The following ACO1 variants were observed in gnomAD, a reference collection of about 807,000 sequenced individuals.
The protein encoded by ACO1 is aconitase 1.
Under a neutral mutation model 105.1 loss-of-function variants are expected in ACO1, and 78 were observed. The ratio of observed to expected loss-of-function variants is 0.74; its 90% confidence interval spans 0.62 to 0.90. ACO1 has a LOEUF of 0.90. Among genes scored for constraint, ACO1 ranks in the 40% least tolerant of loss-of-function variants. The pLI is 0.00. For synonymous variants in ACO1, 364 were observed against 397.4 expected (o/e 0.92, Z 1.00); for missense variants, 965 against 1,111.1 (o/e 0.87, Z 1.87).
chr9:32,440,348 T>G, intron 18 of ACO1, 117 bp from the exon 19 acceptor site: 1 of 1,023,614 alleles, frequency 9.8e-7, no homozygotes, highest in Non-Finnish European at 1.4e-6. Flanking sequence ...GACAAGATGA[T>G]TGGACGGATT....
intron 17 of ACO1, 49 bp downstream of exon 17, chr9:32,434,750 G>C: frequency 6.2e-7 from 1 of 1,601,600 alleles, no homozygotes; most frequent in Non-Finnish European, 8.5e-7. Flanking sequence ...TGGAGGAATG[G>C]AGTTAATGAG....
At chr9:32,410,482 C>T (rs567913989) in intron 4 of ACO1, among the ~76,000 whole-genome samples, 2 of 152,114 alleles carry the variant, frequency 1.3e-5, no homozygotes, top group African/African-American at 4.8e-5. Flanking sequence ...ATGGCGTGAA[C>T]TGGGGAGGCA....
At chr9:32,441,915 C>A (rs1822488734) in intron 19 of ACO1, among the ~76,000 whole-genome samples, 4 of 152,194 alleles carry the variant, frequency 2.6e-5, no homozygotes, top group African/African-American at 7.2e-5. Flanking sequence ...TGAAGCAAAG[C>A]AGCATGGCCT....
chr9:32,407,516 A>C lies in ACO1; in HGVS notation c.266+87A>C, dbSNP rs76653125. On this transcript the variant is annotated intron_variant, in intron 3 of 20. Coordinates refer to ENST00000309951, the MANE Select transcript of ACO1 (RefSeq NM_002197.3). Reference sequence around the variant, plus strand: ...TTTTAAACAAATGAAAACACTCTGCAATGACTATATACTTTATTAATTTAT... The same window carrying C: ...TTTTAAACAAATGAAAACACTCTGCCATGACTATATACTTTATTAATTTAT... The C allele has an allele frequency of 5.9e-3, 7,332 of 1,251,026 alleles. 312 individuals carry two copies. The African/African-American group carries it at 0.098, about 17-fold the overall frequency. The allele number at this position is 1,251,026 out of a possible 1,614,324, so 77.5% of individuals were successfully genotyped here. A position where few individuals can be genotyped will look rare whatever the true frequency, so the allele number is the denominator to read the frequency against.
intron 20 of ACO1, among the ~76,000 whole-genome samples, chr9:32,449,479 A>G (rs1283815389): frequency 6.6e-6 from 1 of 152,152 alleles, no homozygotes; most frequent in Admixed American, 6.5e-5. Flanking sequence ...TTAGCCCAAG[A>G]GTGAAAATGA....
Position 32,424,705 on chromosome 9 carries a change from A to G in ACO1, c.1188+40A>G, listed in dbSNP as rs368953124. 5.1e-6 allele frequency: 7 copies of G among 1,367,558 alleles called. No homozygotes were observed. In the African/African-American group the frequency reaches 7.2e-5, roughly 14 times the overall value. The allele number at this position is 1,367,558 out of a possible 1,614,324, so 84.7% of individuals were successfully genotyped here. On this transcript the variant is annotated intron_variant, in intron 10 of 20. Transcript: ENST00000309951. Reference sequence around the variant, plus strand: ...GAAGAGGTTGAATCCTCTCAACTCTACCTCTTGCCTGGTTACTCAGCGTCC... The same window carrying G: ...GAAGAGGTTGAATCCTCTCAACTCTGCCTCTTGCCTGGTTACTCAGCGTCC...
Position 32,427,583 on chromosome 9 carries a change from T to C in ACO1, c.1484+147T>C, listed in dbSNP as rs944503148. ...TCAGTTGGTAGTTAGACTTAAACCC[T>C]TACATTCCATCTAAAGAGAGCCCTC... On this transcript the variant is annotated intron_variant, in intron 12 of 20. Coordinates refer to ENST00000309951, the MANE Select transcript of ACO1 (RefSeq NM_002197.3). 4 of 1,167,666 alleles carry C rather than the reference T, an allele frequency of 3.4e-6. No homozygotes were observed. The African/African-American group carries it at 6.1e-5, about 18-fold the overall frequency. The allele number at this position is 1,167,666 out of a possible 1,614,324, so 72.3% of individuals were successfully genotyped here. A position where few individuals can be genotyped will look rare whatever the true frequency, so the allele number is the denominator to read the frequency against.
intron 3 of ACO1, 31 bp from the exon 4 acceptor site, chr9:32,408,483 A>G (rs1821662838): frequency 1.2e-6 from 2 of 1,612,330 alleles, no homozygotes; most frequent in Non-Finnish European, 1.7e-6. Flanking sequence ...TTTAAGGCTT[A>G]TTTTCTGCAT....
chr9:32,402,204 T>G (rs1303510055), intron 1 of ACO1, among the ~76,000 whole-genome samples: 1 of 152,166 alleles, frequency 6.6e-6, no homozygotes, highest in Non-Finnish European at 1.5e-5. Flanking sequence ...TTTTTTCTTT[T>G]TTCTTCTCCT....
At chr9:32,396,029 C>T (rs1821366114) in intron 1 of ACO1, among the ~76,000 whole-genome samples, 1 of 152,326 alleles carries the variant, frequency 6.6e-6, no homozygotes, top group East Asian at 1.9e-4. Context: ...CCTGGTTCCC[C>T]AAGTCCTGTT....
At chr9:32,407,199 C>G in intron 2 of ACO1, 62 bp from the exon 3 acceptor site, 2 of 1,525,202 alleles carry the variant, frequency 1.3e-6, no homozygotes, top group South Asian at 2.3e-5. Context: ...AGAGATTGGC[C>G]TTAAAGAGCG....
chr9:32,420,768 C>A, intron 7 of ACO1, 88 bp from the exon 8 acceptor site: 2 of 1,388,742 alleles, frequency 1.4e-6, no homozygotes, highest in South Asian at 2.7e-5. Context: ...ACTGACAAGA[C>A]TAGTTTATAA....
Position 32,448,938 on chromosome 9 carries a change from C to A in ACO1, c.2413C>A (p.Arg805Ser). Reference sequence around the variant, plus strand: ...GGCCGAGAGCTACGAGCGCATTCACCGCAGTAACCTGGTTGGGATGGGTGT... The same window carrying A: ...GGCCGAGAGCTACGAGCGCATTCACAGCAGTAACCTGGTTGGGATGGGTGT... ...VLAESYERIH[R>S]SNLVGMGVIP... Residue 805 changes from arginine to serine, a missense_variant, in exon 20 of 21, where the codon CGC becomes AGC. Physicochemically the swap from Arg to Ser is moderately radical, Grantham distance 110. Transcript: ENST00000309951. 1 of 1,614,202 alleles carries A rather than the reference C, an allele frequency of 6.2e-7. No individual in the cohort carries two copies. The highest frequency in any genetic ancestry group is 8.5e-7 in the Non-Finnish European group (1 of 1,180,044).
chr9:32,431,565 A>G (rs906014156), intron 14 of ACO1, among the ~76,000 whole-genome samples, 154 bp from the exon 15 acceptor site: 2 of 152,178 alleles, frequency 1.3e-5, no homozygotes, highest in Non-Finnish European at 2.9e-5. Context: ...CTAACCCTGT[A>G]TTTCCTCCAG....
chr9:32,423,919 TAA>T (rs1822031080), intron 9 of ACO1, among the ~76,000 whole-genome samples: 1 of 151,858 alleles, frequency 6.6e-6, no homozygotes, highest in South Asian at 2.1e-4. Context: ...TAAAGAAAAA[TAA>T]AGAGACTTCA....
chr9:32,420,852 T>C lies in ACO1; in HGVS notation c.799-4T>C, dbSNP rs1443106269. 6.2e-7 allele frequency: 1 copy of C among 1,612,834 alleles called. No individual in the cohort carries two copies. The highest frequency in any genetic ancestry group is 8.5e-7 in the Non-Finnish European group (1 of 1,179,066). On this transcript the variant is annotated splice_region_variant and splice_polypyrimidine_tract_variant and intron_variant, in intron 7 of 20. Transcript: ENST00000309951. ...CAAACTTTTCTGTTGTTTCTGCTGC[T>C]TAGCACCTCCGCCAGGTTGGGGTAG...
chr9:32,438,501 T>C (rs1346190375), intron 18 of ACO1, among the ~76,000 whole-genome samples: 1 of 152,192 alleles, frequency 6.6e-6, no homozygotes, highest in Admixed American at 6.5e-5. Flanking sequence ...CCAGGAATGA[T>C]AGCTCCATGA....
chr9:32,447,831 G>T (rs375779018), intron 19 of ACO1, among the ~76,000 whole-genome samples: 1 of 152,188 alleles, frequency 6.6e-6, no homozygotes, highest in Non-Finnish European at 1.5e-5. Context: ...CTCCTCTGCT[G>T]CAGGTCTGCT....
chr9:32,433,887 T>G, intron 16 of ACO1, 55 bp downstream of exon 16: 9 of 1,357,046 alleles, frequency 6.6e-6, no homozygotes. Context: ...TCTTTCCTAA[T>G]AATATCTACT....
Sources: allele counts gnomAD v4.1 joint callset (sites outside exome capture counted in the v4.1 genomes callset), GRCh38; gene constraint gnomAD v4.1.1; transcripts MANE v1.5; gene names NCBI Gene and HGNC (gene_info 2026-07-23, HGNC 2026-07-21).